The following CNPY1 variants were observed in gnomAD, a reference collection of about 807,000 sequenced individuals.
CNPY1 encodes protein canopy homolog 1.
CNPY1 carries 14 observed loss-of-function variants against 14.4 expected under a neutral mutation model. The observed-to-expected ratio is 0.97, with a 90% CI of 0.64 to 1.52. The LOEUF (loss-of-function observed/expected upper bound fraction) is 1.52. CNPY1 is among the 40% of genes most tolerant of loss of function. CNPY1 has a pLI of 0.00. For missense variants in CNPY1, 129 were observed against 131.5 expected, an observed-to-expected ratio of 0.98 and a Z score of 0.09; for synonymous variants, 43 against 46.5, an observed-to-expected ratio of 0.92 and a Z score of 0.31.
chr7:155,527,169 A>G (rs886672180), intron 2 of CNPY1, among the ~76,000 whole-genome samples: 1 of 149,900 alleles, frequency 6.7e-6, no homozygotes, highest in African/African-American at 2.5e-5. Flanking sequence ...CTCCTGCCTC[A>G]GCCTCCCAAG....
chr7:155,537,847 A>T (rs184394490), intron 2 of CNPY1, among the ~76,000 whole-genome samples: 1 of 150,702 alleles, frequency 6.6e-6, no homozygotes, highest in African/African-American at 2.5e-5. Context: ...TTTGATTTCT[A>T]AAAAAAAACC....
At chr7:155,528,739 T>C (rs557282963) in intron 2 of CNPY1, among the ~76,000 whole-genome samples, 2 of 152,162 alleles carry the variant, frequency 1.3e-5, no homozygotes, top group Non-Finnish European at 2.9e-5. Flanking sequence ...AGAGACCTGG[T>C]TATAGACAAG....
intron 2 of CNPY1, among the ~76,000 whole-genome samples, chr7:155,535,691 A>G (rs1250812594): frequency 1.3e-5 from 2 of 152,150 alleles, no homozygotes; most frequent in South Asian, 4.1e-4. Context: ...CTCAGGGCCC[A>G]TCCTACCTTC....
intron 2 of CNPY1, chr7:155,510,309 GTGTTCTTGAGACCCAGGTTCCAT>G (rs1179211847): frequency 2.0e-5 from 3 of 152,264 alleles, no homozygotes; most frequent in Non-Finnish European, 4.4e-5. Flanking sequence ...GGGTGCGCTT[GTGTTCTTGAGACCCAGGTTCCAT>G]TACAAACCAC....
At chr7:155,508,551 C>G (rs1310018961) in intron 3 of CNPY1, among the ~76,000 whole-genome samples, 1 of 152,196 alleles carries the variant, frequency 6.6e-6, no homozygotes, top group African/African-American at 2.4e-5. Flanking sequence ...TAAGACCACT[C>G]TGGAGTCCCC....
chr7:155,528,152 GA>G (rs1384812891), intron 2 of CNPY1, among the ~76,000 whole-genome samples: 1 of 152,162 alleles, frequency 6.6e-6, no homozygotes, highest in Non-Finnish European at 1.5e-5. Context: ...GAAAGTTCAG[GA>G]AAAAGGACAT....
At chr7:155,524,620 C>G (rs1443300163) in intron 2 of CNPY1, among the ~76,000 whole-genome samples, 1 of 152,224 alleles carries the variant, frequency 6.6e-6, no homozygotes, top group African/African-American at 2.4e-5. Context: ...CCAATCACCC[C>G]CAAGATGGGA....
chr7:155,537,114 G>T (rs1170390696), intron 2 of CNPY1, among the ~76,000 whole-genome samples: 1 of 152,164 alleles, frequency 6.6e-6, no homozygotes, highest in Non-Finnish European at 1.5e-5. Context: ...TACTCCGCAT[G>T]CTAACATCTT....
At chr7:155,509,781 C>T (rs1440671282) in intron 2 of CNPY1, among the ~76,000 whole-genome samples, 2 of 152,196 alleles carry the variant, frequency 1.3e-5, no homozygotes, top group African/African-American at 4.8e-5. Context: ...ACAGCTGGTG[C>T]ACGTCCCCGC....
intron 2 of CNPY1, among the ~76,000 whole-genome samples, chr7:155,509,970 G>C (rs1408037880): frequency 6.6e-6 from 1 of 152,224 alleles, no homozygotes; most frequent in African/African-American, 2.4e-5. Flanking sequence ...TCCGGAAGGG[G>C]GCGTGGAGCC....
intron 2 of CNPY1, among the ~76,000 whole-genome samples, chr7:155,544,064 GAC>G (rs1163004467): frequency 3.3e-5 from 5 of 152,216 alleles, no homozygotes; most frequent in Non-Finnish European, 7.3e-5. Context: ...TCTGGGATTA[GAC>G]ACACTGGAAA....
At chr7:155,507,685 G>A (rs192708432) in intron 3 of CNPY1, among the ~76,000 whole-genome samples, 268 of 152,090 alleles carry the variant, frequency 1.8e-3, no homozygotes, top group Middle Eastern at 3.4e-3. Flanking sequence ...ATGCTGTTTA[G>A]AGATCCATCC....
At chr7:155,530,076 G>T (rs1343371382) in intron 2 of CNPY1, among the ~76,000 whole-genome samples, 1 of 152,024 alleles carries the variant, frequency 6.6e-6, no homozygotes, top group African/African-American at 2.4e-5. Context: ...GCCACTGCAT[G>T]CAGCCCACAC....
At chr7:155,511,897 T>A (rs1252402149) in intron 2 of CNPY1, among the ~76,000 whole-genome samples, 1 of 152,262 alleles carries the variant, frequency 6.6e-6, no homozygotes, top group Non-Finnish European at 1.5e-5. Flanking sequence ...CAGCTCTTTA[T>A]ACATTTATTC....
chr7:155,538,603 A>G (rs1240916388), intron 2 of CNPY1, among the ~76,000 whole-genome samples: 2 of 151,874 alleles, frequency 1.3e-5, no homozygotes, highest in East Asian at 3.9e-4. Flanking sequence ...CGAATGCCCC[A>G]CTTGCCCCGC....
intron 2 of CNPY1, among the ~76,000 whole-genome samples, chr7:155,523,692 C>T (rs1049958499): frequency 3.3e-5 from 5 of 152,180 alleles, no homozygotes; most frequent in African/African-American, 1.2e-4. Context: ...CCAGGATCCC[C>T]CAGTCATAAA....
intron 2 of CNPY1, among the ~76,000 whole-genome samples, chr7:155,514,168 G>T (rs1406653335): frequency 2.0e-5 from 3 of 152,240 alleles, no homozygotes; most frequent in African/African-American, 7.2e-5. Flanking sequence ...TGATGCGAAT[G>T]TGTTCATTCA....
At chr7:155,531,179 T>C (rs1056030633) in intron 2 of CNPY1, among the ~76,000 whole-genome samples, 1 of 152,178 alleles carries the variant, frequency 6.6e-6, no homozygotes, top group Admixed American at 6.5e-5. Flanking sequence ...GTGCCCTGCG[T>C]CCTCAGGCCC....
intron 3 of CNPY1, among the ~76,000 whole-genome samples, chr7:155,507,942 G>T (rs539553699): frequency 2.0e-5 from 3 of 152,258 alleles, no homozygotes; most frequent in African/African-American, 7.2e-5. Flanking sequence ...ATTTAAATTC[G>T]ACTCTAATGT....
Sources: allele counts gnomAD v4.1 joint callset (sites outside exome capture counted in the v4.1 genomes callset), GRCh38; gene constraint gnomAD v4.1.1; transcripts MANE v1.5; gene names NCBI Gene and HGNC (gene_info 2026-07-23, HGNC 2026-07-21).